The following LDLRAD4 variants were observed in gnomAD, a reference collection of about 807,000 sequenced individuals.
LDLRAD4 encodes the protein low density lipoprotein receptor class A domain containing 4.
A neutral mutation model predicts 17.0 loss-of-function variants in LDLRAD4; 5 were observed. The observed-to-expected ratio is 0.29, with a 90% CI of 0.15 to 0.62. The LOEUF (loss-of-function observed/expected upper bound fraction) is 0.62, where lower values mean the gene tolerates loss of function less well. Ranked by LOEUF, LDLRAD4 falls within the 20% of genes least tolerant of loss-of-function variation. LDLRAD4 has a pLI of 0.84. For synonymous variants in LDLRAD4, 168 were observed against 171.8 expected, an observed-to-expected ratio of 0.98 and a Z score of 0.17; for missense variants, 340 against 424.7, an observed-to-expected ratio of 0.80 and a Z score of 1.75.
intron 4 of LDLRAD4, among the ~76,000 whole-genome samples, chr18:13,625,774 C>A (rs2041098538): frequency 9.2e-6 from 1 of 108,858 alleles, no homozygotes; most frequent in East Asian, 3.0e-4. Context: ...CCACCCTCCT[C>A]CCCCCGCCAG....
At chr18:13,603,054 T>G (rs1036491571) in intron 3 of LDLRAD4, among the ~76,000 whole-genome samples, 3 of 139,552 alleles carry the variant, frequency 2.1e-5, no homozygotes, top group African/African-American at 7.8e-5. Context: ...ACTCTGATTT[T>G]TATAAATATT....
Position 13,371,002 on chromosome 18 carries a change from C to T in LDLRAD4, c.-382-16339C>T, listed in dbSNP as rs868063566. On this transcript the variant is annotated intron_variant, in intron 1 of 5. Transcript: ENST00000359446. ...GGGTTTATAGGCATGAGCCACCACA[C>T]CCGGCCCCCTTCATGTTTCTCAATT... 3.3e-5 allele frequency among the ~76,000 whole-genome samples: 5 copies of T among 152,178 alleles called. No individual in the cohort carries two copies. In the East Asian group the frequency reaches 9.6e-4, roughly 29 times the overall value.
chr18:13,480,436 A>C (rs2093054584), intron 3 of LDLRAD4, among the ~76,000 whole-genome samples: 1 of 152,204 alleles, frequency 6.6e-6, no homozygotes, highest in Admixed American at 6.5e-5. Flanking sequence ...GGAGGAGCAC[A>C]AAGGATTTTT....
chr18:13,563,489 A>C (rs1328907860), intron 3 of LDLRAD4, among the ~76,000 whole-genome samples: 2 of 152,204 alleles, frequency 1.3e-5, no homozygotes, highest in Admixed American at 1.3e-4. Flanking sequence ...AGGAAGTGAA[A>C]GGGGGATAGT....
chr18:13,288,736 GT>G (rs1567971085), intron 1 of LDLRAD4, among the ~76,000 whole-genome samples: 2 of 134,534 alleles, frequency 1.5e-5, no homozygotes, highest in African/African-American at 5.6e-5. Flanking sequence ...ACAGACCGTG[GT>G]CACTCTGCAA....
chr18:13,379,274 C>T (rs560480854), intron 1 of LDLRAD4, among the ~76,000 whole-genome samples: 5 of 152,362 alleles, frequency 3.3e-5, no homozygotes, highest in African/African-American at 1.2e-4. Flanking sequence ...GTGCAGTAAA[C>T]TCCCAGCCAC....
intron 3 of LDLRAD4, chr18:13,487,473 T>C (rs2093255495): frequency 6.6e-6 from 1 of 152,252 alleles, no homozygotes; most frequent in South Asian, 2.1e-4. Flanking sequence ...CAGAAAGACG[T>C]GTTTGTGGCA....
intron 2 of LDLRAD4, among the ~76,000 whole-genome samples, chr18:13,399,084 T>A (rs1220843285): frequency 6.6e-6 from 1 of 152,074 alleles, no homozygotes; most frequent in Non-Finnish European, 1.5e-5. Context: ...TGTGGTGGTG[T>A]GTGCCTATAG....
At chr18:13,630,294 G>A (rs761059950) in intron 4 of LDLRAD4, among the ~76,000 whole-genome samples, 16 of 152,200 alleles carry the variant, frequency 1.1e-4, no homozygotes, top group Non-Finnish European at 2.2e-4. Flanking sequence ...AGGAAGAAAG[G>A]GGGAGGTGCA....
intron 2 of LDLRAD4, among the ~76,000 whole-genome samples, chr18:13,406,745 C>G (rs1445283167): frequency 6.6e-6 from 1 of 152,170 alleles, no homozygotes; most frequent in Non-Finnish European, 1.5e-5. Context: ...CTTGCTCTCA[C>G]TTGCCATGGG....
At chr18:13,327,219 C>T (rs1282593315) in intron 1 of LDLRAD4, among the ~76,000 whole-genome samples, 2 of 152,042 alleles carry the variant, frequency 1.3e-5, no homozygotes, top group African/African-American at 2.4e-5. Flanking sequence ...GTGATGGAGC[C>T]ACTTTGGTTA....
chr18:13,307,027 G>A (rs962544662), intron 1 of LDLRAD4, among the ~76,000 whole-genome samples: 1 of 152,228 alleles, frequency 6.6e-6, no homozygotes, highest in Admixed American at 6.5e-5. Flanking sequence ...CAGTCTGGCA[G>A]AAGGGTTCCA....
intron 2 of LDLRAD4, among the ~76,000 whole-genome samples, chr18:13,396,402 T>C (rs1042677778): frequency 2.0e-5 from 3 of 152,276 alleles, no homozygotes; most frequent in Non-Finnish European, 2.9e-5. Context: ...TCATAGACTT[T>C]ACATCATCTC....
intron 1 of LDLRAD4, among the ~76,000 whole-genome samples, chr18:13,293,510 G>A (rs2046088871): frequency 6.6e-6 from 1 of 152,206 alleles, no homozygotes; most frequent in African/African-American, 2.4e-5. Flanking sequence ...CCATACAAAT[G>A]AGCTGGCCAG....
chr18:13,545,925 C>T (rs181385622), intron 3 of LDLRAD4, among the ~76,000 whole-genome samples: 72 of 152,272 alleles, frequency 4.7e-4, no homozygotes, highest in African/African-American at 1.7e-3. Flanking sequence ...CAGAGCTGTC[C>T]TCAATCCTAA....
chr18:13,239,460 G>A (rs1463041080), intron 1 of LDLRAD4: 1 of 152,208 alleles, frequency 6.6e-6, no homozygotes, highest in African/African-American at 2.4e-5. Flanking sequence ...TTGCCTGAAT[G>A]GCTGTGGCAC....
chr18:13,387,562 C>G (rs772840249), exon 2 of LDLRAD4: 4 of 655,902 alleles, frequency 6.1e-6, no homozygotes, highest in Non-Finnish European at 8.1e-6. Flanking sequence ...ACCGCCCGCC[C>G]GCGCGAGAGC....
intron 3 of LDLRAD4, among the ~76,000 whole-genome samples, chr18:13,523,889 G>A (rs773886531): frequency 1.4e-4 from 22 of 152,202 alleles, no homozygotes; most frequent in Non-Finnish European, 2.9e-4. Context: ...ATCTCTCTGG[G>A]TCTCTAGCAT....
At chr18:13,595,199 T>C (rs994538695) in intron 3 of LDLRAD4, among the ~76,000 whole-genome samples, 1 of 152,152 alleles carries the variant, frequency 6.6e-6, no homozygotes, top group African/African-American at 2.4e-5. Flanking sequence ...TGATTTTCTC[T>C]ATTTTTCTAT....
Sources: allele counts gnomAD v4.1 joint callset (sites outside exome capture counted in the v4.1 genomes callset), GRCh38; gene constraint gnomAD v4.1.1; transcripts MANE v1.5; gene names NCBI Gene and HGNC (gene_info 2026-07-23, HGNC 2026-07-21).